HDAC9: variants seen among roughly 807,000 people sequenced by gnomAD.
HDAC9 encodes the protein histone deacetylase 9.
Under a neutral mutation model 139.4 loss-of-function variants are expected in HDAC9, and 41 were observed. The ratio of observed to expected loss-of-function variants is 0.29; its 90% CI spans 0.23 to 0.38. The LOEUF (loss-of-function observed/expected upper bound fraction) is 0.38, where lower values mean the gene tolerates loss of function less well. Ranked by LOEUF, HDAC9 falls within the 10% of genes least tolerant of loss-of-function variation. HDAC9 has a pLI of 1.00. For missense variants in HDAC9, 1,147 were observed against 1,297.0 expected, an observed-to-expected ratio of 0.88 and a Z score of 1.78; for synonymous variants, 517 against 476.2, an observed-to-expected ratio of 1.09 and a Z score of -1.12.
At position 18,676,170 on chromosome 7, in the gene HDAC9, C is replaced by A. The variant is rs548923168; in HGVS notation, c.1731+9694C>A. Among the ~76,000 whole-genome samples, 7 of 152,022 alleles carry A rather than the reference C, an allele frequency of 4.6e-5. No homozygotes were observed. In the East Asian group the frequency reaches 1.4e-3, roughly 30 times the overall value. ...ATTGTCTAGTAGCCTATAGGGGGTT[C>A]TCTTGTCATATTTGCACTGGACTCT... On this transcript the variant is annotated intron_variant, in intron 12 of 25. Transcript: ENST00000686413.
chr7:18,420,352 A>G (rs1425228595), intron 1 of HDAC9, among the ~76,000 whole-genome samples: 2 of 152,218 alleles, frequency 1.3e-5, no homozygotes, highest in Non-Finnish European at 2.9e-5. Context: ...AGGTAACGAT[A>G]TCAAAGTTCA....
chr7:18,194,386 C>T (rs548831665), intron 2 of HDAC9, among the ~76,000 whole-genome samples: 1 of 152,150 alleles, frequency 6.6e-6, no homozygotes, highest in Admixed American at 6.5e-5. Context: ...TAATCATTTT[C>T]ATTGTGGTTA....
intron 6 of HDAC9, among the ~76,000 whole-genome samples, chr7:18,613,076 G>T (rs974312799): frequency 2.0e-5 from 3 of 147,374 alleles, no homozygotes; most frequent in African/African-American, 7.4e-5. Context: ...CTGAATAATA[G>T]ATATATTTAT....
At chr7:18,979,023 C>A (rs1041654485) in intron 25 of HDAC9, among the ~76,000 whole-genome samples, 8 of 151,958 alleles carry the variant, frequency 5.3e-5, no homozygotes, top group Non-Finnish European at 7.4e-5. Flanking sequence ...ACCTGTAAAT[C>A]GTGTTACATT....
intron 12 of HDAC9, among the ~76,000 whole-genome samples, chr7:18,701,552 A>T (rs1783490840): frequency 1.3e-5 from 2 of 152,196 alleles, no homozygotes; most frequent in South Asian, 4.1e-4. Flanking sequence ...TGTCCGTTAG[A>T]TATATACTAC....
At chr7:18,506,888 G>C (rs1253118643) in intron 2 of HDAC9, among the ~76,000 whole-genome samples, 1 of 152,052 alleles carries the variant, frequency 6.6e-6, no homozygotes, top group Non-Finnish European at 1.5e-5. Flanking sequence ...ACTACCTCTT[G>C]ATGTTCCCAG....
At chr7:18,777,864 C>T (rs1790912716) in intron 16 of HDAC9, among the ~76,000 whole-genome samples, 1 of 151,948 alleles carries the variant, frequency 6.6e-6, no homozygotes, top group Admixed American at 6.6e-5. Context: ...ACCAAGAGGG[C>T]TGATTCACAG....
chr7:18,514,716 G>A (rs947292002), intron 2 of HDAC9, among the ~76,000 whole-genome samples: 22 of 152,172 alleles, frequency 1.4e-4, no homozygotes, highest in Admixed American at 1.4e-3. Flanking sequence ...AAGGTGGGAG[G>A]ATAGCTTGAG....
At chr7:18,718,492 C>A (rs1170077583) in intron 12 of HDAC9, among the ~76,000 whole-genome samples, 1 of 152,168 alleles carries the variant, frequency 6.6e-6, no homozygotes, top group African/African-American at 2.4e-5. Context: ...CTCGGCCTCC[C>A]AAAGTGTTAG....
intron 1 of HDAC9, among the ~76,000 whole-genome samples, chr7:18,358,378 A>G (rs575482086): frequency 2.7e-4 from 41 of 152,324 alleles, no homozygotes; most frequent in African/African-American, 9.4e-4. Context: ...ATAAAGTTAT[A>G]AATAGCTTTT....
At chr7:18,216,146 GAGAC>G (rs1353096543) in intron 2 of HDAC9, among the ~76,000 whole-genome samples, 3 of 151,792 alleles carry the variant, frequency 2.0e-5, no homozygotes, top group East Asian at 3.9e-4. Context: ...GAGAGAGAGA[GAGAC>G]AGAGAGAGTT....
chr7:18,411,135 T>A (rs1258132084), intron 1 of HDAC9, among the ~76,000 whole-genome samples: 1 of 152,152 alleles, frequency 6.6e-6, no homozygotes, highest in Admixed American at 6.5e-5. Flanking sequence ...ATTTGGTACA[T>A]CCATGGAGTG....
At chr7:18,509,539 CTTGT>C (rs1800822130) in intron 2 of HDAC9, 1 of 724,976 alleles carries the variant, frequency 1.4e-6, no homozygotes, top group African/African-American at 1.9e-5. Flanking sequence ...AATGAGGCTG[CTTGT>C]TTATCTGTTT....
chr7:18,207,016 A>C (rs1317427601), intron 2 of HDAC9, among the ~76,000 whole-genome samples: 1 of 151,232 alleles, frequency 6.6e-6, no homozygotes, highest in South Asian at 2.1e-4. Flanking sequence ...GCTCACAGCA[A>C]CCCCTGCCTC....
At chr7:18,545,714 A>T (rs1304226408) in intron 2 of HDAC9, among the ~76,000 whole-genome samples, 1 of 152,184 alleles carries the variant, frequency 6.6e-6, no homozygotes, top group Admixed American at 6.5e-5. Flanking sequence ...AGATTGAGGG[A>T]AATTTAATAA....
chr7:18,437,952 C>T (rs1198483279), intron 1 of HDAC9, among the ~76,000 whole-genome samples: 2 of 151,782 alleles, frequency 1.3e-5, no homozygotes, highest in African/African-American at 2.4e-5. Context: ...GTTACACACA[C>T]ACACACACAC....
At chr7:18,901,536 A>G (rs1196552794) in intron 22 of HDAC9, among the ~76,000 whole-genome samples, 2 of 152,126 alleles carry the variant, frequency 1.3e-5, no homozygotes, top group African/African-American at 4.8e-5. Flanking sequence ...GGAGAATCCA[A>G]TGCCTGTAGG....
chr7:18,950,342 G>A (rs888071326), intron 23 of HDAC9, among the ~76,000 whole-genome samples: 1 of 151,994 alleles, frequency 6.6e-6, no homozygotes, highest in African/African-American at 2.4e-5. Context: ...GAAAATAATT[G>A]TGTGGAAATT....
chr7:18,487,782 T>C (rs1257405235), intron 1 of HDAC9, among the ~76,000 whole-genome samples: 1 of 152,066 alleles, frequency 6.6e-6, no homozygotes, highest in South Asian at 2.1e-4. Flanking sequence ...AGAATCCTCT[T>C]GATTTAAATT....
Sources: gnomAD v4.1 joint callset for allele counts (sites outside exome capture counted in the v4.1 genomes callset) on GRCh38, gnomAD v4.1.1 for gene constraint, MANE v1.5 for transcripts, NCBI Gene and HGNC (gene_info 2026-07-23, HGNC 2026-07-21) for gene names.